The following NTRK3 variants were observed in gnomAD, a reference collection of about 807,000 sequenced individuals.
NTRK3 encodes the protein NT-3 growth factor receptor.
Under a neutral mutation model 91.7 loss-of-function variants are expected in NTRK3, and 24 were observed. The observed-to-expected ratio is 0.26, with a 90% confidence interval of 0.19 to 0.37. The LOEUF (loss-of-function observed/expected upper bound fraction) is 0.37. Ranked by LOEUF, NTRK3 falls within the 10% of genes least tolerant of loss-of-function variation. NTRK3 has a pLI of 1.00. For synonymous variants in NTRK3, 483 were observed against 404.0 expected (o/e 1.20, Z -2.34); for missense variants, 880 against 1,068.9 (o/e 0.82, Z 2.46).
chr15:88,132,607 C>T (rs2041470566), intron 10 of NTRK3, among the ~76,000 whole-genome samples: 1 of 152,298 alleles, frequency 6.6e-6, no homozygotes, highest in Admixed American at 6.5e-5. Flanking sequence ...ACATGATAAT[C>T]ACGATGTCTC....
At chr15:87,988,746 T>A (rs146604768) in intron 14 of NTRK3, among the ~76,000 whole-genome samples, 24 of 152,270 alleles carry the variant, frequency 1.6e-4, no homozygotes, top group African/African-American at 4.1e-4. Flanking sequence ...CCCTTTGATG[T>A]TCTATGTAGG....
intron 5 of NTRK3, among the ~76,000 whole-genome samples, chr15:88,168,736 G>A (rs1199685061): frequency 1.8e-5 from 2 of 109,082 alleles, no homozygotes; most frequent in African/African-American, 5.3e-5. Flanking sequence ...TACTCCTGGG[G>A]GAAGACTTGG....
rs2064580545 is a variant in NTRK3 at position 87,863,531 on chromosome 15, T to TTA, written c.*13403_*13404insTA. 1.4e-5 allele frequency: 3 copies of TTA among 219,992 alleles called. No individual in the cohort carries two copies. The Admixed American group carries it at 1.7e-4, about 13-fold the overall frequency. 13.6% of individuals were successfully genotyped at this position (219,992 alleles called of 1,614,324 possible). On this transcript the variant is annotated 3_prime_UTR_variant, in exon 19 of 19. Transcript: ENST00000394480. ...AAAACATGTTCCAAAAGTCTTTTTT[T>TTA]TTTTTTGTATGTGTGTCATTTCAAA...
At chr15:88,247,033 A>G (rs1237359105) in intron 3 of NTRK3, among the ~76,000 whole-genome samples, 1 of 152,152 alleles carries the variant, frequency 6.6e-6, no homozygotes, top group Non-Finnish European at 1.5e-5. Flanking sequence ...AGGGAAGCCA[A>G]AATCTTTTAA....
chr15:88,172,944 AT>A (rs1198967852), intron 5 of NTRK3, among the ~76,000 whole-genome samples: 1 of 152,180 alleles, frequency 6.6e-6, no homozygotes, highest in Non-Finnish European at 1.5e-5. Flanking sequence ...CAGGAGACTA[AT>A]GGTATGAGGG....
chr15:88,146,690 G>T (rs2042919367), intron 6 of NTRK3, among the ~76,000 whole-genome samples: 1 of 152,164 alleles, frequency 6.6e-6, no homozygotes, highest in African/African-American at 2.4e-5. Flanking sequence ...CCACAGCAAA[G>T]CTAAGCAGTC....
intron 5 of NTRK3, among the ~76,000 whole-genome samples, chr15:88,176,673 G>C (rs1034745024): frequency 2.0e-5 from 3 of 152,168 alleles, no homozygotes; most frequent in African/African-American, 7.2e-5. Context: ...GATCAAGTCA[G>C]ACTAGAGTCA....
chr15:88,136,191 C>A lies in NTRK3; in HGVS notation c.766-151G>T, dbSNP rs140764649. 21 of 1,053,094 alleles carry A rather than the reference C, an allele frequency of 2.0e-5. No homozygotes were observed. In the East Asian group the frequency reaches 5.0e-4, roughly 25 times the overall value. 65.2% of individuals were successfully genotyped at this position (1,053,094 alleles called of 1,614,324 possible). On this transcript the variant is annotated intron_variant, in intron 8 of 18. Coordinates refer to ENST00000394480, the Ensembl canonical transcript of NTRK3. Reference sequence around the variant, plus strand: ...GAAAGCACACTGGCCAAATGCCAGGCTCCTCATAGGCAATAGTTCAGGCCA... The same window carrying A: ...GAAAGCACACTGGCCAAATGCCAGGATCCTCATAGGCAATAGTTCAGGCCA...
At chr15:87,909,949 T>C (rs1386892743) in intron 17 of NTRK3, among the ~76,000 whole-genome samples, 1 of 152,178 alleles carries the variant, frequency 6.6e-6, no homozygotes, top group Admixed American at 6.5e-5. Flanking sequence ...GATTCTGTTG[T>C]TGAAGCCCCC....
intron 14 of NTRK3, among the ~76,000 whole-genome samples, chr15:88,012,980 C>T (rs970127362): frequency 5.9e-5 from 9 of 152,158 alleles, no homozygotes; most frequent in Admixed American, 1.3e-4. Context: ...CGAAGAACAA[C>T]GGTCTTCTGA....
chr15:88,136,656 C>T, intron 7 of NTRK3, 47 bp from the exon 8 acceptor site: 9 of 1,593,324 alleles, frequency 5.6e-6, no homozygotes, highest in Non-Finnish European at 7.7e-6. Context: ...ACACTTACTA[C>T]CCAAAGGAAG....
chr15:88,152,049 C>T (rs1167572167), intron 5 of NTRK3, among the ~76,000 whole-genome samples: 2 of 152,156 alleles, frequency 1.3e-5, no homozygotes, highest in African/African-American at 4.8e-5. Context: ...ACCTGTAATC[C>T]CAGCACTTTG....
intron 3 of NTRK3, among the ~76,000 whole-genome samples, chr15:88,197,525 C>G (rs1427485169): frequency 2.0e-5 from 3 of 152,238 alleles, no homozygotes; most frequent in Non-Finnish European, 4.4e-5. Flanking sequence ...TGCAGGAAAT[C>G]TGAAACTGAG....
At chr15:88,030,073 A>G (rs2078389231) in intron 14 of NTRK3, among the ~76,000 whole-genome samples, 1 of 152,196 alleles carries the variant, frequency 6.6e-6, no homozygotes, top group Non-Finnish European at 1.5e-5. Flanking sequence ...CCACTTCTTT[A>G]AAAGGGCTAC....
intron 3 of NTRK3, among the ~76,000 whole-genome samples, chr15:88,206,642 A>C (rs1174197623): frequency 2.1e-5 from 3 of 142,076 alleles, no homozygotes; most frequent in Non-Finnish European, 4.6e-5. Flanking sequence ...TGGGCGACAG[A>C]GCAAGACTCC....
chr15:87,918,718 G>A (rs547244139), intron 17 of NTRK3, among the ~76,000 whole-genome samples: 1 of 152,234 alleles, frequency 6.6e-6, no homozygotes, highest in African/African-American at 2.4e-5. Flanking sequence ...TTAGCACATG[G>A]ACAAGGAATT....
chr15:87,964,464 T>A (rs1432314087), intron 14 of NTRK3, among the ~76,000 whole-genome samples: 1 of 151,790 alleles, frequency 6.6e-6, no homozygotes, highest in Non-Finnish European at 1.5e-5. Flanking sequence ...ATTATATAAC[T>A]TATTTTGTAT....
At chr15:88,149,254 A>T (rs2043161740) in intron 5 of NTRK3, among the ~76,000 whole-genome samples, 2 of 152,142 alleles carry the variant, frequency 1.3e-5, no homozygotes, top group Non-Finnish European at 2.9e-5. Flanking sequence ...CCCCAGCCTG[A>T]ACTGGCTAGG....
chr15:88,111,387 A>G (rs931464361), intron 13 of NTRK3, among the ~76,000 whole-genome samples: 6 of 152,232 alleles, frequency 3.9e-5, no homozygotes, highest in Admixed American at 2.0e-4. Flanking sequence ...GGCCAGGACC[A>G]GGGCCAAAAA....
Sources: gnomAD v4.1 joint callset for allele counts (sites outside exome capture counted in the v4.1 genomes callset) on GRCh38, gnomAD v4.1.1 for gene constraint, MANE v1.5 for transcripts, NCBI Gene and HGNC (gene_info 2026-07-23, HGNC 2026-07-21) for gene names.